The following USP6 variants were observed in gnomAD, a reference collection of about 807,000 sequenced individuals.
USP6 encodes the protein ubiquitin specific peptidase 6, also known as ubiquitin carboxyl-terminal hydrolase 6.
In USP6, 128 loss-of-function variants were observed where a neutral mutation model predicts 175.7. The ratio of observed to expected loss-of-function variants is 0.73; its 90% CI spans 0.63 to 0.84. The LOEUF is 0.84. Among genes scored for constraint, USP6 ranks in the 40% least tolerant of loss-of-function variants. The pLI is 0.00. For synonymous variants in USP6, 562 were observed against 630.6 expected, an observed-to-expected ratio of 0.89 and a Z score of 1.63; for missense variants, 1,498 against 1,760.3, an observed-to-expected ratio of 0.85 and a Z score of 2.67.
chr17:5,158,212 C>T (rs962834009), intron 31 of USP6, among the ~76,000 whole-genome samples: 2 of 152,072 alleles, frequency 1.3e-5, no homozygotes, highest in African/African-American at 4.8e-5. Context: ...TATACATGAA[C>T]TCTGAACTGA....
intron 7 of USP6, chr17:5,128,297 A>G (rs942256278): frequency 3.9e-5 from 6 of 152,236 alleles, no homozygotes; most frequent in African/African-American, 1.4e-4. Context: ...TCCTCTAGCT[A>G]GAATATCCAA....
At chr17:5,119,596 G>C (rs1004579244) in intron 2 of USP6, among the ~76,000 whole-genome samples, 11 of 152,156 alleles carry the variant, frequency 7.2e-5, no homozygotes, top group African/African-American at 2.4e-4. Context: ...AGAGGACCCT[G>C]GGTGAGGCCT....
In USP6 at chr17:5,120,858, C is replaced by T. The variant is rs551477343; in HGVS notation, c.-1675+70C>T. 11 of 454,440 alleles carry T rather than the reference C, an allele frequency of 2.4e-5. No individual in the cohort carries two copies. The East Asian group carries it at 3.5e-4, about 14-fold the overall frequency. 28.2% of individuals were successfully genotyped at this position (454,440 alleles called of 1,614,324 possible). A position where few individuals can be genotyped will look rare whatever the true frequency, so the allele number is the denominator to read the frequency against. On this transcript the variant is annotated intron_variant, in intron 3 of 37. Transcript: ENST00000574788. ...GTGCTGCATGCTGGTGCAGCTGGAA[C>T]GCTGGCAGATCCACAGGCTGTCCCA... is the stretch of plus-strand genomic sequence containing the variant.
intron 1 of USP6, among the ~76,000 whole-genome samples, chr17:5,116,986 CAG>C (rs2143679970): frequency 6.6e-6 from 1 of 152,314 alleles, no homozygotes; most frequent in East Asian, 1.9e-4. Flanking sequence ...TGGGGAACTG[CAG>C]AGAGTTCATG....
intron 31 of USP6, among the ~76,000 whole-genome samples, chr17:5,160,733 G>T (rs1301203835): frequency 6.6e-6 from 1 of 152,208 alleles, no homozygotes; most frequent in East Asian, 1.9e-4. Context: ...AATCCTTTGG[G>T]TATATACCCA....
At chr17:5,172,729 G>A (rs1381933000) in intron 37 of USP6, 76 bp from the exon 38 acceptor site, 2 of 1,578,862 alleles carry the variant, frequency 1.3e-6, no homozygotes, top group Non-Finnish European at 1.7e-6. Flanking sequence ...CAGAGGGTTG[G>A]TCTTCCCTTT....
Position 5,129,524 on chromosome 17 carries a change from T to A in USP6, c.-156+391T>A, listed in dbSNP as rs372672288. On this transcript the variant is annotated intron_variant, in intron 8 of 37. Coordinates refer to ENST00000574788, the MANE Select transcript of USP6 (RefSeq NM_001304284.2). ...AGAGCTGGCTGAGGGGAGACTATCT[T>A]CCCTTGTGTTCAAAGGGGTCCAGGC... 7.2e-5 allele frequency: 11 copies of A among 152,500 alleles called. No homozygotes were observed. In the East Asian group the frequency reaches 1.3e-3, roughly 19 times the overall value. 9.4% of individuals were successfully genotyped at this position (152,500 alleles called of 1,614,324 possible). A position where few individuals can be genotyped will look rare whatever the true frequency, so the allele number is the denominator to read the frequency against.
chr17:5,141,331 G>T, intron 22 of USP6, 94 bp from the exon 23 acceptor site: 1 of 1,126,498 alleles, frequency 8.9e-7, no homozygotes, highest in African/African-American at 1.6e-5. Context: ...TCCGATTTAG[G>T]AATAAGATGT....
chr17:5,132,449 G>T lies in USP6; in HGVS notation c.195+14G>T. ...CGGGAGGCGAAGGTAAGAGCCTGATGCGTGGAGGGGCTGGTCCAGGGACGT... is the reference window on the plus strand; with the variant it reads ...CGGGAGGCGAAGGTAAGAGCCTGATTCGTGGAGGGGCTGGTCCAGGGACGT... On this transcript the variant is annotated intron_variant, in intron 12 of 37. Transcript: ENST00000574788. The surrounding 1 kb of genome is among the most constrained non-coding windows in gnomAD (Gnocchi z 4.7). The T allele has an allele frequency of 6.2e-7, 1 of 1,612,108 alleles. No homozygotes were observed. The highest frequency in any genetic ancestry group is 8.5e-7 in the Non-Finnish European group (1 of 1,179,848).
rs112209972 is a variant in USP6 at position 5,148,553 on chromosome 17, T to C, written c.2432-3T>C. On this transcript the variant is annotated splice_polypyrimidine_tract_variant and splice_region_variant and intron_variant, in intron 29 of 37. Coordinates refer to ENST00000574788, the MANE Select transcript of USP6 (RefSeq NM_001304284.2). ...GATGCTGTACTTATCTTTGAATTTG[T>C]AGATTTCTCCTCTTCACCATCTACA... The C allele has an allele frequency of 0.11, 174,659 of 1,613,804 alleles. 10,614 individuals are homozygous for C. The highest frequency in any genetic ancestry group is 0.17 in the African/African-American group (12,854 of 75,004).
At chr17:5,133,630 A>ACCCC in intron 14 of USP6, 80 bp downstream of exon 14, 1 of 639,432 alleles carries the variant, frequency 1.6e-6, no homozygotes, top group Non-Finnish European at 2.7e-6. Context: ...CGTCAAGCCC[A>ACCCC]CCCTGGGGTG....
intron 25 of USP6, among the ~76,000 whole-genome samples, chr17:5,142,776 C>T (rs1392352026): frequency 6.6e-6 from 1 of 152,200 alleles, no homozygotes; most frequent in Non-Finnish European, 1.5e-5. Flanking sequence ...GAAGAGTAAA[C>T]CTTTTTTGGT....
At chr17:5,159,671 A>G (rs553011548) in intron 31 of USP6, among the ~76,000 whole-genome samples, 19 of 152,276 alleles carry the variant, frequency 1.2e-4, no homozygotes, top group African/African-American at 4.6e-4. Flanking sequence ...TGAGAATAAA[A>G]AGTTCAGAGG....
intron 33 of USP6, among the ~76,000 whole-genome samples, chr17:5,163,532 A>C (rs2074045403): frequency 1.3e-5 from 2 of 152,142 alleles, no homozygotes; most frequent in Non-Finnish European, 2.9e-5. Context: ...TGACCGAAAC[A>C]CCTCCTACTA....
chr17:5,161,524 T>G lies in USP6; in HGVS notation c.2829-4T>G, dbSNP rs2074003447. ...TACACTCTTTTTGTTCTCTTCTGTT[T>G]CAGTGATAACTGTATGGGCTATCAA... On this transcript the variant is annotated splice_region_variant and splice_polypyrimidine_tract_variant and intron_variant, in intron 31 of 37. Coordinates refer to ENST00000574788, the MANE Select transcript of USP6 (RefSeq NM_001304284.2). 1 of 1,613,448 alleles carries G rather than the reference T, an allele frequency of 6.2e-7. No individual in the cohort carries two copies. The highest frequency in any genetic ancestry group is 8.5e-7 in the Non-Finnish European group (1 of 1,179,606).
chr17:5,146,578 T>A (rs1317326432), intron 28 of USP6, among the ~76,000 whole-genome samples: 3 of 152,180 alleles, frequency 2.0e-5, no homozygotes, highest in Non-Finnish European at 4.4e-5. Flanking sequence ...ATATATATAT[T>A]TGGTCTTTTA....
At chr17:5,162,403 C>G (rs2074021911) in intron 32 of USP6, among the ~76,000 whole-genome samples, 1 of 152,186 alleles carries the variant, frequency 6.6e-6, no homozygotes, top group Non-Finnish European at 1.5e-5. Flanking sequence ...CCACCTCAGC[C>G]TCCCAAAGTG....
At chr17:5,151,974 C>T (rs999631410) in intron 30 of USP6, among the ~76,000 whole-genome samples, 2 of 152,158 alleles carry the variant, frequency 1.3e-5, no homozygotes, top group Admixed American at 6.5e-5. Context: ...TGCGGTGGCT[C>T]ATGCCTATAA....
Position 5,137,123 on chromosome 17 carries a change from C to T in USP6, c.762C>T (p.Asp254=), listed in dbSNP as rs373614351. The T allele has an allele frequency of 3.7e-6, 6 of 1,613,492 alleles. No homozygotes were observed. In the South Asian group the frequency reaches 4.4e-5, roughly 12 times the overall value. Residue 254 remains aspartate (D), a splice_region_variant and synonymous_variant, in exon 19 of 38, where the codon GAC becomes GAT. Transcript: ENST00000574788. The part of the protein sequence containing the change: ...KSQPKTMWHQ[D]KEGLCGQCAS... ...AGCACCTCTGTTCATCCCATCAGGA[C>T]AAGGAAGGTCTATGCGGGCAGTGTG...
Sources: gnomAD v4.1 joint callset for allele counts (sites outside exome capture counted in the v4.1 genomes callset) on GRCh38, gnomAD v4.1.1 for gene constraint, Gnocchi (gnomAD v3.1) non-coding constraint, MANE v1.5 for transcripts, NCBI Gene and HGNC (gene_info 2026-07-23, HGNC 2026-07-21) for gene names.